The following ZNF341 variants were observed in gnomAD, a reference collection of about 807,000 sequenced individuals.
ZNF341 encodes zinc finger protein 341.
A neutral mutation model predicts 87.7 loss-of-function variants in ZNF341; 52 were observed. That is an observed-to-expected ratio of 0.59 (90% CI 0.47 to 0.75). The LOEUF is 0.75. ZNF341 is among the 30% of genes least tolerant of loss of function. ZNF341 has a pLI of 0.00. For missense variants in ZNF341, 977 were observed against 1,145.9 expected, an observed-to-expected ratio of 0.85 and a Z score of 2.13; for synonymous variants, 459 against 472.7, an observed-to-expected ratio of 0.97 and a Z score of 0.38.
intron 10 of ZNF341, among the ~76,000 whole-genome samples, chr20:33,777,248 G>A (rs996655011): frequency 2.0e-5 from 3 of 148,636 alleles, no homozygotes; most frequent in Non-Finnish European, 3.0e-5. Context: ...GCTTTAGCCC[G>A]GGAGGTACAG....
chr20:33,745,161 G>A lies in ZNF341; in HGVS notation c.201G>A (p.Ala67=). The change falls in exon 3 of 15, where the codon GCG becomes GCA. Residue 67 remains alanine (A), a synonymous_variant. Coordinates refer to ENST00000375200, the MANE Select transcript of ZNF341 (RefSeq NM_001282933.2). ...KCKKQFNSLP[A]FMTHKREQCQ... ...AGAAGCAATTCAACTCGCTGCCAGC[G>A]TTTATGACCCACAAGCGGGAACAGT... 4.3e-6 allele frequency: 7 copies of A among 1,614,102 alleles called. No individual in the cohort carries two copies. The highest frequency in any genetic ancestry group is 1.1e-5 in the South Asian group (1 of 91,084).
At position 33,791,860 on chromosome 20, in the gene ZNF341, C is replaced by T. The variant is rs1286654324; in HGVS notation, c.*343C>T. The stretch of plus-strand genomic sequence containing the variant: ...GGGAGAGGAGACAGGGCATTCCTCC[C>T]CACTCTGTCTCCAGGCTGCCTCTGG... On this transcript the variant is annotated 3_prime_UTR_variant, in exon 15 of 15. Coordinates refer to ENST00000375200, the MANE Select transcript of ZNF341 (RefSeq NM_001282933.2). The T allele has an allele frequency of 7.2e-6, 2 of 279,208 alleles. No homozygotes were observed. Among genetic ancestry groups the T allele is most frequent in the East Asian group, 6.3e-5 (1 of 15,838 alleles). The allele number at this position is 279,208 out of a possible 1,614,324, so 17.3% of individuals were successfully genotyped here.
chr20:33,791,301 G>A lies in ZNF341; in HGVS notation c.2349G>A (p.Leu783=). Residue 783 remains leucine (L), a synonymous_variant, in exon 15 of 15, where the codon CTG becomes CTA. Transcript: ENST00000375200. Reference sequence around the variant, plus strand: ...AGCTGAAGGACACAGGGGCTGGGCTGGTGCCCGAGGCTGTCCCCGGCAAGC... The same window carrying A: ...AGCTGAAGGACACAGGGGCTGGGCTAGTGCCCGAGGCTGTCCCCGGCAAGC... ...LEELKDTGAG[L]VPEAVPGKPP... is the part of the protein sequence containing the mutation. 1 of 1,611,542 alleles carries A rather than the reference G, an allele frequency of 6.2e-7. No individual in the cohort carries two copies. The highest frequency in any genetic ancestry group is 8.5e-7 in the Non-Finnish European group (1 of 1,179,470).
Position 33,758,713 on chromosome 20 carries a change from C to T in ZNF341, c.938-3C>T, listed in dbSNP as rs770460071. 6 of 1,612,742 alleles carry T rather than the reference C, an allele frequency of 3.7e-6. No individual in the cohort carries two copies. The African/African-American group carries it at 8.0e-5, about 22-fold the overall frequency. ...TTGTCCCCTCCTTCCACTTGTCTTT[C>T]AGCTGCAGGGAAGCCAAAGGCTCAG... On this transcript the variant is annotated splice_region_variant and splice_polypyrimidine_tract_variant and intron_variant, in intron 6 of 14. Transcript: ENST00000375200.
chr20:33,737,908 C>T (rs11908669), intron 1 of ZNF341, among the ~76,000 whole-genome samples: 13 of 150,978 alleles, frequency 8.6e-5, no homozygotes, highest in East Asian at 7.8e-4. Flanking sequence ...GAGGTCAAGG[C>T]GGGCAGATCA....
intron 7 of ZNF341, among the ~76,000 whole-genome samples, chr20:33,759,531 G>A (rs1208156582): frequency 2.0e-5 from 3 of 152,104 alleles, no homozygotes; most frequent in Admixed American, 6.6e-5. Context: ...TGATCCACCC[G>A]CCTCGGCCTC....
rs755271713 is a variant in ZNF341 at position 33,791,471 on chromosome 20, C to T, written c.2519C>T (p.Pro840Leu). The T allele has an allele frequency of 1.1e-5, 18 of 1,596,396 alleles. No individual in the cohort carries two copies. The highest frequency in any genetic ancestry group is 1.5e-5 in the Non-Finnish European group (18 of 1,174,508). Reference sequence around the variant, plus strand: ...GAGCTGCAGGCTGGGGCCGAGGGCCCATGTGCCATGCTCGCTGTGCCCGTC... The same window carrying T: ...GAGCTGCAGGCTGGGGCCGAGGGCCTATGTGCCATGCTCGCTGTGCCCGTC... The part of the protein sequence containing the change: ...LAELQAGAEG[P>L]CAMLAVPVYI... The change falls in exon 15 of 15, where the codon CCA becomes CTA. Residue 840 changes from proline (P) to leucine (L), a missense_variant. Around this residue, in one of 3 missense-constraint regions of ZNF341, gnomAD observed 221 missense variants for 212.7 expected, o/e 1.04. Coordinates refer to ENST00000375200, the MANE Select transcript of ZNF341 (RefSeq NM_001282933.2).
intron 9 of ZNF341, among the ~76,000 whole-genome samples, chr20:33,768,062 G>A (rs912634260): frequency 6.6e-6 from 1 of 152,098 alleles, no homozygotes; most frequent in African/African-American, 2.4e-5. Context: ...ACTACTGACT[G>A]TATATCGTTG....
At position 33,760,101 on chromosome 20, in the gene ZNF341, C is replaced by T. The variant is rs527473034; in HGVS notation, c.1028+1295C>T. Among the ~76,000 whole-genome samples, 5 of 152,288 alleles carry T rather than the reference C, an allele frequency of 3.3e-5. No individual in the cohort carries two copies. In the East Asian group the frequency reaches 7.7e-4, roughly 23 times the overall value. On this transcript the variant is annotated intron_variant, in intron 7 of 14. Transcript: ENST00000375200. Reference sequence around the variant, plus strand: ...CGCTGTCCAATAGAACTTTCTGTAGCGATAGAAATGCTCAAATTGGGTTGG... The same window carrying T: ...CGCTGTCCAATAGAACTTTCTGTAGTGATAGAAATGCTCAAATTGGGTTGG...
chr20:33,758,910 C>T, intron 7 of ZNF341, 104 bp downstream of exon 7: 2 of 989,140 alleles, frequency 2.0e-6, no homozygotes, highest in South Asian at 2.8e-5. Context: ...TGGGGTGACC[C>T]AGGCTGCACT....
chr20:33,791,802 T>C lies in ZNF341; in HGVS notation c.*285T>C, dbSNP rs1484064157. On this transcript the variant is annotated 3_prime_UTR_variant, in exon 15 of 15. Coordinates refer to ENST00000375200, the MANE Select transcript of ZNF341 (RefSeq NM_001282933.2). Reference sequence around the variant, plus strand: ...TGGCTGAAGCCTGAGCAGCCCAGAGTCCCGCTGGTCTAGGCTGGTGGTCGG... The same window carrying C: ...TGGCTGAAGCCTGAGCAGCCCAGAGCCCCGCTGGTCTAGGCTGGTGGTCGG... 1 of 392,044 alleles carries C rather than the reference T, an allele frequency of 2.6e-6. No homozygotes were observed. Among genetic ancestry groups the C allele is most frequent in the Non-Finnish European group, 4.6e-6 (1 of 219,026 alleles). 24.3% of individuals were successfully genotyped at this position (392,044 alleles called of 1,614,324 possible).
chr20:33,780,569 G>A (rs929379805), intron 10 of ZNF341, among the ~76,000 whole-genome samples: 1 of 151,970 alleles, frequency 6.6e-6, no homozygotes, highest in Non-Finnish European at 1.5e-5. Context: ...TACCACGCCT[G>A]GCTAATTTTT....
rs766080305 is a variant in ZNF341, at chr20:33,757,349, C to T, written c.937+6C>T. 47 of 1,459,444 alleles carry T rather than the reference C, an allele frequency of 3.2e-5. No individual in the cohort carries two copies. The highest frequency in any genetic ancestry group is 4.0e-5 in the Non-Finnish European group (44 of 1,099,604). 90.4% of individuals were successfully genotyped at this position (1,459,444 alleles called of 1,614,324 possible). A position where few individuals can be genotyped will look rare whatever the true frequency, so the allele number is the denominator to read the frequency against. On this transcript the variant is annotated splice_donor_region_variant and intron_variant, in intron 6 of 14. Coordinates refer to ENST00000375200, the MANE Select transcript of ZNF341 (RefSeq NM_001282933.2). ...TGCCAGGGGACTCCCGGAAGGTGGG[C>T]CCCCAGCCTGCCATGGGCATCTTTC...
At chr20:33,745,510 A>T (rs2018900464) in intron 3 of ZNF341, among the ~76,000 whole-genome samples, 1 of 152,114 alleles carries the variant, frequency 6.6e-6, no homozygotes, top group Non-Finnish European at 1.5e-5. Flanking sequence ...AGGTTTTGCC[A>T]TATTGTCTAT....
At chr20:33,788,734 G>A in intron 12 of ZNF341, 129 bp from the exon 13 acceptor site, 1 of 736,834 alleles carries the variant, frequency 1.4e-6, no homozygotes, top group South Asian at 1.5e-5. Context: ...TGAAGAATGA[G>A]AGAGGCTATT....
chr20:33,766,951 C>T lies in ZNF341; in HGVS notation c.1323C>T (p.Ile441=), dbSNP rs772221862. ...CGGAGTCCAAGCAGGTGGTCCTCATCGACAGCTCCTACCTGTGCCAATTCT... is the reference window on the plus strand; with the variant it reads ...CGGAGTCCAAGCAGGTGGTCCTCATTGACAGCTCCTACCTGTGCCAATTCT... ...DKPESKQVVL[I]DSSYLCQFCP... Residue 441 remains isoleucine (I), a synonymous_variant, in exon 9 of 15, where the codon ATC becomes ATT. Coordinates refer to ENST00000375200, the MANE Select transcript of ZNF341 (RefSeq NM_001282933.2). 5 of 1,614,208 alleles carry T rather than the reference C, an allele frequency of 3.1e-6. No homozygotes were observed. Among genetic ancestry groups the T allele is most frequent in the East Asian group, 2.2e-5 (1 of 44,896 alleles).
At chr20:33,777,218 G>A (rs961364159) in intron 10 of ZNF341, among the ~76,000 whole-genome samples, 6 of 148,950 alleles carry the variant, frequency 4.0e-5, no homozygotes, top group African/African-American at 1.5e-4. Flanking sequence ...AGCTGCTCAG[G>A]AGGCTGAGGC....
chr20:33,761,819 C>T lies in ZNF341; in HGVS notation c.1029-43C>T, dbSNP rs139613720. 1,998 of 1,411,986 alleles carry T rather than the reference C, an allele frequency of 1.4e-3. 22 individuals carry two copies. In the African/African-American group the frequency reaches 0.025, roughly 17 times the overall value. The allele number at this position is 1,411,986 out of a possible 1,614,324, so 87.5% of individuals were successfully genotyped here. ...GTGAGCTCCTGGGCTGAGGCCTCGTCCCCGTTCCTGCAGGAGGGCACTGAC... is the reference window on the plus strand; with the variant it reads ...GTGAGCTCCTGGGCTGAGGCCTCGTTCCCGTTCCTGCAGGAGGGCACTGAC... On this transcript the variant is annotated intron_variant, in intron 7 of 14. Coordinates refer to ENST00000375200, the MANE Select transcript of ZNF341 (RefSeq NM_001282933.2).
chr20:33,736,069 A>T lies in ZNF341; in HGVS notation c.31+4017A>T, dbSNP rs184849499. 5.5e-3 allele frequency among the ~76,000 whole-genome samples: 798 copies of T among 144,968 alleles called. 1 individual carries two copies. The highest frequency in any genetic ancestry group is 9.0e-3 in the Admixed American group (131 of 14,508). Reference sequence around the variant, plus strand: ...TGGCTATTTCACCATTTAACCACTCACTGAAGAACATCTGAACTGTTTCCA... The same window carrying T: ...TGGCTATTTCACCATTTAACCACTCTCTGAAGAACATCTGAACTGTTTCCA... On this transcript the variant is annotated intron_variant, in intron 1 of 14. Transcript: ENST00000375200.
Sources: allele counts gnomAD v4.1 joint callset (sites outside exome capture counted in the v4.1 genomes callset), GRCh38; gene constraint gnomAD v4.1.1; regional missense constraint gnomAD v4.1.1; transcripts MANE v1.5; gene names NCBI Gene and HGNC (gene_info 2026-07-23, HGNC 2026-07-21).